The following SRPK2 variants were observed in gnomAD, a reference collection of about 807,000 sequenced individuals.
The protein encoded by SRPK2 is SFRS protein kinase 2.
In SRPK2, 21 loss-of-function variants were observed where a neutral mutation model predicts 90.8. The ratio of observed to expected loss-of-function variants is 0.23; its 90% CI spans 0.16 to 0.33. The LOEUF (loss-of-function observed/expected upper bound fraction) is 0.33, where lower values mean the gene tolerates loss of function less well. Among genes scored for constraint, SRPK2 ranks in the 10% least tolerant of loss-of-function variants. The probability of loss-of-function intolerance (pLI) is 1.00; values close to 1 mark genes in which losing one functional copy is unlikely to be tolerated. For synonymous variants in SRPK2, 288 were observed against 311.1 expected (o/e 0.93, Z 0.78); for missense variants, 620 against 869.0 (o/e 0.71, Z 3.60).
At chr7:105,210,923 A>G (rs1305652266) in intron 2 of SRPK2, among the ~76,000 whole-genome samples, 1 of 152,182 alleles carries the variant, frequency 6.6e-6, no homozygotes, top group Admixed American at 6.5e-5. Flanking sequence ...GAATAGTAAG[A>G]TAACAAAGAC....
chr7:105,376,144 G>T (rs572806437), intron 2 of SRPK2, among the ~76,000 whole-genome samples: 1 of 151,336 alleles, frequency 6.6e-6, no homozygotes, highest in African/African-American at 2.4e-5. Flanking sequence ...ACAGGCGCCC[G>T]CCACCACACC....
upstream of SRPK2, among the ~76,000 whole-genome samples, chr7:105,393,235 A>AG (rs1822229036): frequency 6.7e-6 from 1 of 150,224 alleles, no homozygotes; most frequent in Non-Finnish European, 1.5e-5. Context: ...ACCTCAAGTG[A>AG]TCTGCCTGCC....
At chr7:105,373,556 C>G (rs990535608) in intron 2 of SRPK2, among the ~76,000 whole-genome samples, 1 of 151,970 alleles carries the variant, frequency 6.6e-6, no homozygotes, top group East Asian at 1.9e-4. Flanking sequence ...GCGTGCACCA[C>G]CACATCCAGC....
chr7:105,395,705 T>C (rs1822303678), intron 1 of SRPK2, among the ~76,000 whole-genome samples: 1 of 152,010 alleles, frequency 6.6e-6, no homozygotes. Context: ...ACATTCCAGC[T>C]TGGGCAACAG....
chr7:105,171,017 GGA>G (rs1310541586), intron 3 of SRPK2, among the ~76,000 whole-genome samples: 4 of 126,254 alleles, frequency 3.2e-5, no homozygotes, highest in Admixed American at 1.6e-4. Flanking sequence ...AAGAAAGAGA[GGA>G]AGGAAGGAAG....
chr7:105,313,908 G>GA (rs1361648699), intron 2 of SRPK2, among the ~76,000 whole-genome samples: 1 of 152,042 alleles, frequency 6.6e-6, no homozygotes, highest in African/African-American at 2.4e-5. Context: ...GTATACAAAT[G>GA]AAAAAACAAC....
chr7:105,235,177 T>C (rs1195466852), intron 2 of SRPK2, among the ~76,000 whole-genome samples: 4 of 152,124 alleles, frequency 2.6e-5, no homozygotes, highest in East Asian at 1.9e-4. Context: ...CAAGTATTAT[T>C]TGGCAACGGC....
chr7:105,360,241 T>TC (rs145212788), intron 2 of SRPK2, among the ~76,000 whole-genome samples: 42,105 of 152,036 alleles, frequency 0.28, 6,313 homozygotes, highest in Middle Eastern at 0.34. Flanking sequence ...TGGTACATCT[T>TC]CCTCCATCCC....
At chr7:105,198,785 TTAATA>T (rs1402942715) in intron 3 of SRPK2, among the ~76,000 whole-genome samples, 3 of 152,154 alleles carry the variant, frequency 2.0e-5, no homozygotes, top group Admixed American at 6.5e-5. Context: ...GGTATTAACA[TTAATA>T]TAATATAAAT....
intron 2 of SRPK2, among the ~76,000 whole-genome samples, chr7:105,297,143 CA>C (rs1450397127): frequency 6.6e-6 from 1 of 152,170 alleles, no homozygotes; most frequent in Non-Finnish European, 1.5e-5. Context: ...ATAAAATTCT[CA>C]AACTGAAATA....
At chr7:105,199,422 T>C (rs189545923) in intron 3 of SRPK2, among the ~76,000 whole-genome samples, 1 of 152,130 alleles carries the variant, frequency 6.6e-6, no homozygotes, top group Non-Finnish European at 1.5e-5. Flanking sequence ...ATACCTCAGA[T>C]TACATAACAC....
At chr7:105,376,556 AG>A (rs747312070) in intron 2 of SRPK2, among the ~76,000 whole-genome samples, 56 of 135,990 alleles carry the variant, frequency 4.1e-4, no homozygotes, top group Non-Finnish European at 7.7e-4. Context: ...TGGTGAGGGG[AG>A]GGTATAGAGT....
At chr7:105,192,199 C>T (rs1295736495) in intron 3 of SRPK2, among the ~76,000 whole-genome samples, 2 of 152,102 alleles carry the variant, frequency 1.3e-5, no homozygotes, top group Admixed American at 1.3e-4. Flanking sequence ...TCTTTTGTCC[C>T]TCATCCCTTT....
At chr7:105,140,186 TG>T (rs1213083852) in intron 11 of SRPK2, among the ~76,000 whole-genome samples, 14 of 152,168 alleles carry the variant, frequency 9.2e-5, no homozygotes, top group African/African-American at 3.4e-4. Context: ...ATTTCCCACC[TG>T]AAGTTAGCTG....
intron 2 of SRPK2, among the ~76,000 whole-genome samples, chr7:105,349,366 T>C (rs1467605396): frequency 6.6e-6 from 1 of 151,168 alleles, no homozygotes; most frequent in East Asian, 2.0e-4. Context: ...CTACTAAAAA[T>C]ACAAAATTAA....
intron 7 of SRPK2, among the ~76,000 whole-genome samples, chr7:105,149,430 T>C (rs1303510638): frequency 6.6e-6 from 1 of 152,180 alleles, no homozygotes; most frequent in Non-Finnish European, 1.5e-5. Context: ...CTCCTTATTA[T>C]CACCCTGCCC....
chr7:105,375,449 A>G (rs1316637400), intron 2 of SRPK2, among the ~76,000 whole-genome samples: 1 of 152,224 alleles, frequency 6.6e-6, no homozygotes, highest in Admixed American at 6.5e-5. Context: ...TGGGGAGCCA[A>G]GGTGGGAAGA....
intron 2 of SRPK2, chr7:105,244,536 T>C (rs1801306704): frequency 1.9e-6 from 1 of 534,010 alleles, no homozygotes; most frequent in Non-Finnish European, 3.4e-6. Flanking sequence ...ATCGTGCCAC[T>C]GCACTCCCGC....
intron 3 of SRPK2, among the ~76,000 whole-genome samples, chr7:105,176,107 T>C (rs1264830234): frequency 6.6e-6 from 1 of 152,092 alleles, no homozygotes; most frequent in African/African-American, 2.4e-5. Context: ...TCAAATAATA[T>C]ATCAAAAGGA....
Sources: allele counts gnomAD v4.1 joint callset (sites outside exome capture counted in the v4.1 genomes callset), GRCh38; gene constraint gnomAD v4.1.1; transcripts MANE v1.5; gene names NCBI Gene and HGNC (gene_info 2026-07-23, HGNC 2026-07-21).